The following ABCC1 variants were observed in gnomAD, a reference collection of about 807,000 sequenced individuals.
ABCC1 encodes the protein ATP binding cassette subfamily C member 1 (ABCC1 blood group).
In ABCC1, 83 loss-of-function variants were observed where a neutral mutation model predicts 172.9. The observed-to-expected ratio is 0.48, with a 90% CI of 0.40 to 0.58. ABCC1 has a LOEUF of 0.58. Among genes scored for constraint, ABCC1 ranks in the 20% least tolerant of loss-of-function variants. ABCC1 has a pLI of 0.00. For missense variants in ABCC1, 1,817 were observed against 2,002.7 expected (o/e 0.91, Z 1.77); for synonymous variants, 937 against 825.2 (o/e 1.14, Z -2.32).
chr16:16,062,130 G>A (rs1245988624), intron 12 of ABCC1, among the ~76,000 whole-genome samples: 1 of 152,198 alleles, frequency 6.6e-6, no homozygotes, highest in East Asian at 1.9e-4. Context: ...AGAGGGCGCT[G>A]GTGATGAGGT....
chr16:15,981,354 C>T (rs898973016), intron 1 of ABCC1, among the ~76,000 whole-genome samples: 40 of 152,336 alleles, frequency 2.6e-4, no homozygotes, highest in East Asian at 1.2e-3. Flanking sequence ...AGCAGAGGTT[C>T]TCCATGAGGG....
chr16:16,011,664 A>G (rs540425377), intron 3 of ABCC1, among the ~76,000 whole-genome samples: 2 of 150,340 alleles, frequency 1.3e-5, no homozygotes, highest in South Asian at 4.3e-4. Context: ...TTTTTTATTT[A>G]TTTATTTTTT....
chr16:16,009,716 A>G, intron 2 of ABCC1, 60 bp from the exon 3 acceptor site: 1 of 1,491,710 alleles, frequency 6.7e-7, no homozygotes, highest in Non-Finnish European at 9.0e-7. Context: ...CTGTTCGTGC[A>G]GGCCCTGGGG....
chr16:16,114,574 C>T (rs2044763441), intron 22 of ABCC1, among the ~76,000 whole-genome samples, 192 bp from the exon 23 acceptor site: 1 of 152,130 alleles, frequency 6.6e-6, no homozygotes, highest in Non-Finnish European at 1.5e-5. Flanking sequence ...CTCCTGACCT[C>T]AAGTGATCCA....
chr16:16,071,760 A>G (rs2050359193), intron 14 of ABCC1, 31 bp downstream of exon 14: 1 of 1,590,156 alleles, frequency 6.3e-7, no homozygotes, highest in Non-Finnish European at 8.6e-7. Context: ...GGCTTCTGGA[A>G]GTGGCCGCCT....
At chr16:16,037,106 A>G (rs1185071597) in intron 7 of ABCC1, among the ~76,000 whole-genome samples, 2 of 152,022 alleles carry the variant, frequency 1.3e-5, no homozygotes, top group African/African-American at 4.8e-5. Context: ...CGTCTCAAAA[A>G]AAAAAAAAGA....
chr16:16,053,497 T>TA (rs2049516382), intron 11 of ABCC1, among the ~76,000 whole-genome samples: 1 of 151,788 alleles, frequency 6.6e-6, no homozygotes, highest in South Asian at 2.1e-4. Context: ...TTTCTTATTA[T>TA]AAAAAAGTCC....
At chr16:15,973,583 C>T (rs1277396082) in intron 1 of ABCC1, among the ~76,000 whole-genome samples, 2 of 152,112 alleles carry the variant, frequency 1.3e-5, no homozygotes, top group East Asian at 1.9e-4. Flanking sequence ...TGTGTTTTCT[C>T]CTGGGTGACT....
intron 1 of ABCC1, among the ~76,000 whole-genome samples, chr16:15,983,354 G>T (rs1332231888): frequency 6.6e-6 from 1 of 152,098 alleles, no homozygotes; most frequent in Non-Finnish European, 1.5e-5. Context: ...CATCCTGAGA[G>T]CTCTGAGAAC....
At chr16:15,961,343 G>A (rs1251000761) in intron 1 of ABCC1, among the ~76,000 whole-genome samples, 1 of 152,152 alleles carries the variant, frequency 6.6e-6, no homozygotes, top group Non-Finnish European at 1.5e-5. Flanking sequence ...TCTATAGGTT[G>A]CTAGAAAACT....
chr16:16,090,533 T>G lies in ABCC1; in HGVS notation c.2589T>G (p.Ala863=), dbSNP rs970527614. The G allele has an allele frequency of 3.7e-6, 6 of 1,613,560 alleles. No homozygotes were observed. The Admixed American group carries it at 1.0e-4, about 27-fold the overall frequency. ...TGCTGGCTCGAGACGGCGCCTTCGC[T>G]GAGTTCCTGCGTACCTATGCCAGCA... ...QELLARDGAF[A]EFLRTYASTE... is the part of the protein sequence containing the mutation. The change falls in exon 19 of 31, where the codon GCT becomes GCG. Residue 863 remains alanine, a synonymous_variant. Coordinates refer to ENST00000399410, the MANE Select transcript of ABCC1 (RefSeq NM_004996.4).
At chr16:15,993,926 C>A (rs926778200) in intron 1 of ABCC1, among the ~76,000 whole-genome samples, 4 of 152,132 alleles carry the variant, frequency 2.6e-5, no homozygotes, top group African/African-American at 7.2e-5. Flanking sequence ...CTGCCATGTA[C>A]CTTGCAAACA....
At chr16:16,046,035 G>C (rs762030773) in intron 9 of ABCC1, 22 bp downstream of exon 9, 1 of 1,612,004 alleles carries the variant, frequency 6.2e-7, no homozygotes, top group South Asian at 1.1e-5. Flanking sequence ...TGTGCCATTG[G>C]CATGTGGCCC....
intron 1 of ABCC1, among the ~76,000 whole-genome samples, chr16:16,006,742 A>G (rs2047544529): frequency 6.6e-6 from 1 of 152,170 alleles, no homozygotes; most frequent in African/African-American, 2.4e-5. Context: ...TCACATCTGA[A>G]AAAGGAGATG....
intron 7 of ABCC1, among the ~76,000 whole-genome samples, chr16:16,039,266 CT>C (rs1202497870): frequency 0.16 from 14,167 of 87,576 alleles, 574 homozygotes; most frequent in African/African-American, 0.18. Context: ...TGTGTGTTTT[CT>C]TTTTTTTTTT....
chr16:15,991,199 C>A (rs1315168391), intron 1 of ABCC1, among the ~76,000 whole-genome samples: 1 of 151,932 alleles, frequency 6.6e-6, no homozygotes, highest in Non-Finnish European at 1.5e-5. Context: ...CGTTTAGCGT[C>A]CAGCTCAAGG....
intron 5 of ABCC1, among the ~76,000 whole-genome samples, chr16:16,019,307 T>G (rs1222484794): frequency 1.3e-5 from 2 of 152,154 alleles, no homozygotes; most frequent in East Asian, 3.9e-4. Context: ...CTTCACCATC[T>G]TGGCCCGGCT....
intron 12 of ABCC1, among the ~76,000 whole-genome samples, chr16:16,062,355 C>CT (rs1248208426): frequency 6.6e-6 from 1 of 151,866 alleles, no homozygotes; most frequent in Non-Finnish European, 1.5e-5. Context: ...TTCTTTCTTT[C>CT]TTTTTTAAAG....
At chr16:16,045,422 T>G (rs1011053933) in intron 8 of ABCC1, among the ~76,000 whole-genome samples, 7 of 116,474 alleles carry the variant, frequency 6.0e-5, no homozygotes, top group Non-Finnish European at 1.1e-4. Flanking sequence ...AAAAAAAGAA[T>G]AAAAACAACA....
Sources: gnomAD v4.1 joint callset for allele counts (sites outside exome capture counted in the v4.1 genomes callset) on GRCh38, gnomAD v4.1.1 for gene constraint, MANE v1.5 for transcripts, NCBI Gene and HGNC (gene_info 2026-07-23, HGNC 2026-07-21) for gene names.